SLC25A16: variants seen among roughly 807,000 people sequenced by gnomAD.
The protein encoded by SLC25A16 is mitochondrial coenzyme A transporter SLC25A16.
SLC25A16 carries 39 observed loss-of-function variants against 41.5 expected under a neutral mutation model. That is an observed-to-expected ratio of 0.94 (90% CI 0.73 to 1.23). The LOEUF (loss-of-function observed/expected upper bound fraction) is 1.23, where lower values mean the gene tolerates loss of function less well. Among genes scored for constraint, SLC25A16 ranks in the 50% most tolerant of loss-of-function variants. The pLI is 0.00. For synonymous variants in SLC25A16, 146 were observed against 147.8 expected, an observed-to-expected ratio of 0.99 and a Z score of 0.09; for missense variants, 421 against 426.9, an observed-to-expected ratio of 0.99 and a Z score of 0.12.
At chr10:68,483,615 C>T (rs1437822951) in intron 8 of SLC25A16, 27 bp from the exon 9 acceptor site, 1 of 1,529,436 alleles carries the variant, frequency 6.5e-7, no homozygotes, top group Admixed American at 2.1e-5. Flanking sequence ...AAATGATGAC[C>T]TCTATGCCCA....
intron 1 of SLC25A16, among the ~76,000 whole-genome samples, chr10:68,519,552 G>A (rs1268111217): frequency 6.6e-6 from 1 of 151,446 alleles, no homozygotes; most frequent in African/African-American, 2.4e-5. Flanking sequence ...AAAATAATAT[G>A]CATTTGGATA....
chr10:68,522,286 C>G (rs990199033), intron 1 of SLC25A16, among the ~76,000 whole-genome samples: 1 of 151,944 alleles, frequency 6.6e-6, no homozygotes, highest in African/African-American at 2.4e-5. Flanking sequence ...CTATATGACC[C>G]GATTTATATA....
intron 6 of SLC25A16, among the ~76,000 whole-genome samples, chr10:68,489,955 T>C (rs1396652776): frequency 6.8e-6 from 1 of 147,156 alleles, no homozygotes; most frequent in African/African-American, 2.5e-5. Context: ...TTACCAAATA[T>C]AAAGACTCAT....
Position 68,509,743 on chromosome 10 carries a change from C to CTA in SLC25A16, c.224-3027_224-3026dup, listed in dbSNP as rs199603840. ...TATATCTATCTATCTATATATATAT[C>CTA]TATATATATAGATATATAGATATAG... On this transcript the variant is annotated intron_variant, in intron 2 of 8. Coordinates refer to ENST00000609923, the MANE Select transcript of SLC25A16 (RefSeq NM_152707.4). Among the ~76,000 whole-genome samples, 24 of 144,664 alleles carry CTA rather than the reference C, an allele frequency of 1.7e-4. No homozygotes were observed. The South Asian group carries it at 4.1e-3, about 25-fold the overall frequency. The allele number at this position is 144,664 out of a possible 152,430, so 94.9% of individuals were successfully genotyped here. A position where few individuals can be genotyped will look rare whatever the true frequency, so the allele number is the denominator to read the frequency against.
At chr10:68,507,166 A>G (rs181707768) in intron 2 of SLC25A16, among the ~76,000 whole-genome samples, 69 of 138,750 alleles carry the variant, frequency 5.0e-4, no homozygotes, top group South Asian at 1.8e-3. Flanking sequence ...TCCGCCTCCC[A>G]GGTTCAAATG....
intron 6 of SLC25A16, among the ~76,000 whole-genome samples, chr10:68,491,889 C>T (rs1404217531): frequency 2.0e-5 from 3 of 151,930 alleles, no homozygotes; most frequent in Non-Finnish European, 4.4e-5. Context: ...AGTGCAGTGG[C>T]GTGATCTCGG....
intron 2 of SLC25A16, among the ~76,000 whole-genome samples, chr10:68,508,580 T>C (rs2052999783): frequency 6.6e-6 from 1 of 151,766 alleles, no homozygotes; most frequent in Non-Finnish European, 1.5e-5. Context: ...TATCTGGGCA[T>C]GGTGGCGGGT....
At chr10:68,498,299 A>G (rs555848701) in intron 4 of SLC25A16, among the ~76,000 whole-genome samples, 38 of 151,292 alleles carry the variant, frequency 2.5e-4, no homozygotes, top group African/African-American at 8.5e-4. Flanking sequence ...CTCAAGGGAG[A>G]TATTTTTTTA....
chr10:68,517,137 A>C, intron 1 of SLC25A16: 7 of 1,068,298 alleles, frequency 6.6e-6, no homozygotes, highest in Non-Finnish European at 7.9e-6. Context: ...AGACACTTCA[A>C]GGTATTAATC....
chr10:68,524,472 CA>C (rs2053303353), intron 1 of SLC25A16, among the ~76,000 whole-genome samples: 2 of 151,168 alleles, frequency 1.3e-5, no homozygotes, highest in Admixed American at 1.3e-4. Context: ...ACCCAGGAGG[CA>C]AAGGTTGCAG....
At chr10:68,488,696 C>T in intron 6 of SLC25A16, 67 bp from the exon 7 acceptor site, 3 of 1,246,230 alleles carry the variant, frequency 2.4e-6, no homozygotes, top group Non-Finnish European at 3.4e-6. Context: ...AGACACCATT[C>T]TTAAATAATA....
chr10:68,488,442 A>T, intron 7 of SLC25A16, 25 bp downstream of exon 7: 1 of 1,444,508 alleles, frequency 6.9e-7, no homozygotes, highest in Non-Finnish European at 9.2e-7. Context: ...TAATTTGATT[A>T]AATTAAGTTA....
Position 68,527,286 on chromosome 10 carries a change from G to C in SLC25A16, c.90C>G (p.Thr30=). ...PQAAGAGGPT[T]RRDFYWLRSF... ...AGCGCAGCCAGTAGAAGTCTCTGCGGGTTGTGGGCCCTCCGGCCCCTGCCG... is the reference window on the plus strand; with the variant it reads ...AGCGCAGCCAGTAGAAGTCTCTGCGCGTTGTGGGCCCTCCGGCCCCTGCCG... Residue 30 remains threonine, a synonymous_variant, in exon 1 of 9, where the codon ACC becomes ACG. Coordinates refer to ENST00000609923, the MANE Select transcript of SLC25A16 (RefSeq NM_152707.4). 2.6e-6 allele frequency: 4 copies of C among 1,548,040 alleles called. No individual in the cohort carries two copies. The highest frequency in any genetic ancestry group is 3.5e-6 in the Non-Finnish European group (4 of 1,145,772).
intron 8 of SLC25A16, among the ~76,000 whole-genome samples, chr10:68,486,548 A>G (rs1345805735): frequency 6.6e-6 from 1 of 151,494 alleles, no homozygotes; most frequent in East Asian, 2.0e-4. Context: ...TAATTTTTGT[A>G]TTTTTAGTAC....
chr10:68,501,538 AGAGGAGAG>A (rs1405767120), intron 4 of SLC25A16, among the ~76,000 whole-genome samples: 2 of 146,606 alleles, frequency 1.4e-5, no homozygotes, highest in African/African-American at 5.0e-5. Flanking sequence ...AAAGAGGAGA[AGAGGAGAG>A]GAGAGAATGA....
At position 68,506,625 on chromosome 10, in the gene SLC25A16, T is replaced by C. The variant is rs2052959705; in HGVS notation, c.317A>G (p.Tyr106Cys). The C allele has an allele frequency of 2.5e-6, 4 of 1,605,388 alleles. No homozygotes were observed. Among genetic ancestry groups the C allele is most frequent in the Non-Finnish European group, 2.6e-6 (3 of 1,176,324 alleles). ...NGAMMIRIFPYGAIQFMAFEH... is the reference protein window; with the variant it reads ...NGAMMIRIFPCGAIQFMAFEH... Reference sequence around the variant, plus strand: ...AAATGCCATAAACTGGATTGCACCATAGGGAAAGATTCGAATCATCATTGC... The same window carrying C: ...AAATGCCATAAACTGGATTGCACCACAGGGAAAGATTCGAATCATCATTGC... The change falls in exon 3 of 9, where the codon TAT (tyrosine) becomes TGT (cysteine). Residue 106 changes from tyrosine to cysteine, a missense_variant. Tyr to Cys is a radical substitution (Grantham distance 194). Transcript: ENST00000609923.
chr10:68,519,195 A>C (rs1295170271), intron 1 of SLC25A16, among the ~76,000 whole-genome samples: 1 of 151,826 alleles, frequency 6.6e-6, no homozygotes, highest in Non-Finnish European at 1.5e-5. Context: ...TCCGTCTCAA[A>C]AAACAAAAAA....
At chr10:68,512,300 A>C (rs913412431) in intron 2 of SLC25A16, among the ~76,000 whole-genome samples, 5 of 152,096 alleles carry the variant, frequency 3.3e-5, no homozygotes, top group African/African-American at 1.2e-4. Flanking sequence ...TAAATAAATA[A>C]ATACATAAAT....
intron 1 of SLC25A16, among the ~76,000 whole-genome samples, chr10:68,522,286 C>T (rs990199033): frequency 2.0e-5 from 3 of 152,062 alleles, no homozygotes; most frequent in South Asian, 4.2e-4. Flanking sequence ...CTATATGACC[C>T]GATTTATATA....
Sources: allele counts gnomAD v4.1 joint callset (sites outside exome capture counted in the v4.1 genomes callset), GRCh38; gene constraint gnomAD v4.1.1; transcripts MANE v1.5; gene names NCBI Gene and HGNC (gene_info 2026-07-23, HGNC 2026-07-21).